HGF: variants seen among roughly 807,000 people sequenced by gnomAD.
HGF encodes hepatocyte growth factor, also known as fibroblast-derived tumor cytotoxic factor.
Under a neutral mutation model 111.6 loss-of-function variants are expected in HGF, and 39 were observed. The ratio of observed to expected loss-of-function variants is 0.35; its 90% CI spans 0.27 to 0.46. The LOEUF (loss-of-function observed/expected upper bound fraction) is 0.46. Ranked by LOEUF, HGF falls within the 20% of genes least tolerant of loss-of-function variation. The probability of loss-of-function intolerance (pLI) is 1.00; values close to 1 mark genes in which losing one functional copy is unlikely to be tolerated. For synonymous variants in HGF, 285 were observed against 294.8 expected, an observed-to-expected ratio of 0.97 and a Z score of 0.34; for missense variants, 735 against 910.5, an observed-to-expected ratio of 0.81 and a Z score of 2.48.
chr7:81,759,232 A>G (rs1045470570), intron 2 of HGF, among the ~76,000 whole-genome samples: 15 of 152,204 alleles, frequency 9.9e-5, no homozygotes, highest in Non-Finnish European at 2.1e-4. Flanking sequence ...AGCTATCTCA[A>G]TTATATCTGA....
chr7:81,704,735 C>A (rs924836215), intron 17 of HGF, among the ~76,000 whole-genome samples: 1 of 151,740 alleles, frequency 6.6e-6, no homozygotes, highest in Non-Finnish European at 1.5e-5. Flanking sequence ...AATCCCACAG[C>A]CCTGAAGCTT....
At chr7:81,739,719 G>A (rs991530827) in intron 7 of HGF, among the ~76,000 whole-genome samples, 2 of 151,960 alleles carry the variant, frequency 1.3e-5, no homozygotes, top group Admixed American at 6.6e-5. Flanking sequence ...GAGAAGAAGA[G>A]GTGGAACTTG....
At chr7:81,751,856 C>T (rs1052716486) in intron 5 of HGF, 2 of 1,292,706 alleles carry the variant, frequency 1.5e-6, no homozygotes, top group Non-Finnish European at 2.0e-6. Flanking sequence ...TAAGTAAACC[C>T]TCTCTTTCAC....
rs1789305767 is a variant in HGF at position 81,702,421 on chromosome 7, A to G, written c.*160T>C. On this transcript the variant is annotated 3_prime_UTR_variant, in exon 18 of 18. Coordinates refer to ENST00000222390, the MANE Select transcript of HGF (RefSeq NM_000601.6). ...CAAAATAACACTGACAAACAAAACA[A>G]CAGAAAACACCCATAAACATTAATG... The G allele has an allele frequency of 1.6e-6, 1 of 625,084 alleles. No homozygotes were observed. The highest frequency in any genetic ancestry group is 2.8e-6 in the Non-Finnish European group (1 of 354,128). 38.7% of individuals were successfully genotyped at this position (625,084 alleles called of 1,614,324 possible).
At chr7:81,709,689 A>G (rs2158730) in intron 13 of HGF, among the ~76,000 whole-genome samples, 129,721 of 152,130 alleles carry the variant, frequency 0.85, 55,690 homozygotes, top group African/African-American at 0.95. Context: ...ATTTAAAATT[A>G]CCATTTTTCA....
chr7:81,734,827 C>T (rs761469148), intron 7 of HGF, among the ~76,000 whole-genome samples: 63 of 151,902 alleles, frequency 4.1e-4, no homozygotes, highest in Non-Finnish European at 8.4e-4. Flanking sequence ...TTCACCAAAC[C>T]CACCCTGCCC....
At chr7:81,708,155 G>T (rs1483399155) in intron 13 of HGF, among the ~76,000 whole-genome samples, 1 of 152,068 alleles carries the variant, frequency 6.6e-6, no homozygotes, top group East Asian at 1.9e-4. Flanking sequence ...AAGATTCCCA[G>T]ACTGAGACCA....
intron 10 of HGF, among the ~76,000 whole-genome samples, chr7:81,719,652 T>A (rs1453916602): frequency 1.3e-5 from 2 of 152,216 alleles, no homozygotes; most frequent in Non-Finnish European, 2.9e-5. Flanking sequence ...TATTTTTACC[T>A]CTTTAAAAGT....
intron 7 of HGF, among the ~76,000 whole-genome samples, chr7:81,740,027 C>A (rs1787955157): frequency 6.6e-6 from 1 of 152,166 alleles, no homozygotes; most frequent in Admixed American, 6.5e-5. Context: ...TCCAGCCATC[C>A]ATCTCTTTAC....
chr7:81,707,219 C>A lies in HGF; in HGVS notation c.1616+71G>T, dbSNP rs5745745. 60,137 of 825,498 alleles carry A rather than the reference C, an allele frequency of 0.073. 2,588 individuals carry two copies. The highest frequency in any genetic ancestry group is 0.1 in the South Asian group (7,520 of 72,986). 51.1% of individuals were successfully genotyped at this position (825,498 alleles called of 1,614,324 possible). ...TCTGTAAAATGAATACATATTATAA[C>A]CTTAAGAGCAAAGTGGAAGACATAC... On this transcript the variant is annotated intron_variant, in intron 14 of 17. Coordinates refer to ENST00000222390, the MANE Select transcript of HGF (RefSeq NM_000601.6).
intron 11 of HGF, among the ~76,000 whole-genome samples, chr7:81,714,176 A>G (rs187102292): frequency 2.3e-4 from 35 of 152,260 alleles, no homozygotes; most frequent in African/African-American, 7.7e-4. Flanking sequence ...CTCATTTTAT[A>G]TATTGTTAAT....
intron 8 of HGF, among the ~76,000 whole-genome samples, chr7:81,727,034 T>C (rs760893526): frequency 8.5e-5 from 10 of 117,702 alleles, no homozygotes; most frequent in Non-Finnish European, 1.2e-4. Flanking sequence ...CATTCGAAAC[T>C]GAGGTTTTTT....
intron 7 of HGF, among the ~76,000 whole-genome samples, chr7:81,739,979 A>G (rs1787952949): frequency 1.3e-5 from 2 of 152,040 alleles, no homozygotes; most frequent in African/African-American, 4.8e-5. Context: ...TACCCTACCC[A>G]TATCAATCAT....
At chr7:81,760,576 G>A (rs2040031882) in intron 2 of HGF, among the ~76,000 whole-genome samples, 1 of 151,850 alleles carries the variant, frequency 6.6e-6, no homozygotes, top group South Asian at 2.1e-4. Context: ...AACATCCTTT[G>A]ATTCATTAAG....
chr7:81,711,479 A>G lies in HGF; in HGVS notation c.1444+2T>C. ...TACTTTATATTGTGAAATATTACTTACGGTCTAAATTGACTATTGTAGGTG... is the reference window on the plus strand; with the variant it reads ...TACTTTATATTGTGAAATATTACTTGCGGTCTAAATTGACTATTGTAGGTG... On this transcript the variant is annotated splice_donor_variant, in intron 12 of 17. Coordinates refer to ENST00000222390, the MANE Select transcript of HGF (RefSeq NM_000601.6). LOFTEE classifies it high-confidence loss of function. 1 of 1,453,662 alleles carries G rather than the reference A, an allele frequency of 6.9e-7. No individual in the cohort carries two copies. Among genetic ancestry groups the G allele is most frequent in the South Asian group, 1.2e-5 (1 of 83,956 alleles). The allele number at this position is 1,453,662 out of a possible 1,614,324, so 90.0% of individuals were successfully genotyped here.
rs762012189 is a variant in HGF, at chr7:81,725,975, T to C, written c.1083A>G (p.Glu361=). The change falls in exon 9 of 18, where the codon GAA becomes GAG. Residue 361 remains glutamate, a synonymous_variant. Coordinates refer to ENST00000222390, the MANE Select transcript of HGF (RefSeq NM_000601.6). Reference sequence around the variant, plus strand: ...GATCAGTGGTAAAACACCAGGGTGATTCAGACCCATCTGGATTTCGGCAGT... The same window carrying C: ...GATCAGTGGTAAAACACCAGGGTGACTCAGACCCATCTGGATTTCGGCAGT... The part of the protein sequence containing the change: ...ENYCRNPDGS[E]SPWCFTTDPN... 2 of 1,613,894 alleles carry C rather than the reference T, an allele frequency of 1.2e-6. No individual in the cohort carries two copies. The highest frequency in any genetic ancestry group is 1.3e-5 in the African/African-American group (1 of 75,022).
chr7:81,705,568 A>G (rs2115763274), intron 16 of HGF, 33 bp from the exon 17 acceptor site: 2 of 1,609,110 alleles, frequency 1.2e-6, no homozygotes, highest in Non-Finnish European at 1.7e-6. Flanking sequence ...CAATAAGGTG[A>G]GAAAAGTAAG....
intron 13 of HGF, among the ~76,000 whole-genome samples, chr7:81,708,650 C>T (rs1473095932): frequency 6.9e-6 from 1 of 144,010 alleles, no homozygotes; most frequent in Non-Finnish European, 1.5e-5. Flanking sequence ...ACCACGTTGG[C>T]CAGGCTGCTC....
intron 1 of HGF, among the ~76,000 whole-genome samples, chr7:81,768,281 G>A (rs1789460975): frequency 6.6e-6 from 1 of 152,210 alleles, no homozygotes; most frequent in Non-Finnish European, 1.5e-5. Context: ...CTTAAGAACA[G>A]TGACATTTTA....
Sources: allele counts gnomAD v4.1 joint callset (sites outside exome capture counted in the v4.1 genomes callset), GRCh38; gene constraint gnomAD v4.1.1; transcripts MANE v1.5; gene names NCBI Gene and HGNC (gene_info 2026-07-23, HGNC 2026-07-21).